The following PRR36 variants were observed in gnomAD, a reference collection of about 807,000 sequenced individuals.
The protein encoded by PRR36 is proline-rich protein 36.
In PRR36, 30 loss-of-function variants were observed where a neutral mutation model predicts 58.6. The ratio of observed to expected loss-of-function variants is 0.51; its 90% CI spans 0.38 to 0.69. The LOEUF is 0.69. Among genes scored for constraint, PRR36 ranks in the 30% least tolerant of loss-of-function variants. The pLI is 0.00. For synonymous variants in PRR36, 771 were observed against 829.3 expected (o/e 0.93, Z 1.21); for missense variants, 1,692 against 1,805.6 (o/e 0.94, Z 1.14).
rs370616890 is a variant in PRR36 at position 7,869,021 on chromosome 19, C to A, written c.*12G>T. The A allele has an allele frequency of 5.1e-5, 76 of 1,500,452 alleles. No individual in the cohort carries two copies. In the East Asian group the frequency reaches 1.4e-3, roughly 27 times the overall value. 92.9% of individuals were successfully genotyped at this position (1,500,452 alleles called of 1,614,324 possible). ...CAGGGGTGGGGTGTAGCAGGCGGGG[C>A]TGTGGTCTGGCTCAGTGGAAGGTCT... On this transcript the variant is annotated 3_prime_UTR_variant, in exon 6 of 6. Coordinates refer to ENST00000618550, the MANE Select transcript of PRR36 (RefSeq NM_001190467.2).
rs1165620692 is a variant in PRR36 at position 7,870,882 on chromosome 19, G to A, written c.2362C>T (p.Pro788Ser). ...PHLETPPCPAPCPLQAPPSPL... is the reference protein window; with the variant it reads ...PHLETPPCPASCPLQAPPSPL... ...GAAGGTGGTGCTTGCAGAGGGCATG[G>A]GGCTGGACAAGGTGGAGTCTCCAGA... The change falls in exon 5 of 6, where the codon CCA (proline) becomes TCA (serine). Residue 788 changes from proline (P) to serine (S), a missense_variant. Pro to Ser is a moderately conservative substitution (Grantham distance 74). Transcript: ENST00000618550. 9.7e-6 allele frequency: 14 copies of A among 1,449,380 alleles called. No individual in the cohort carries two copies. The highest frequency in any genetic ancestry group is 1.3e-5 in the Non-Finnish European group (14 of 1,107,922). 89.8% of individuals were successfully genotyped at this position (1,449,380 alleles called of 1,614,324 possible). A position where few individuals can be genotyped will look rare whatever the true frequency, so the allele number is the denominator to read the frequency against.
In PRR36 at chr19:7,869,009, T is replaced by TA; in HGVS notation, c.*23dup. The TA allele has an allele frequency of 6.7e-7, 1 of 1,485,786 alleles. No individual in the cohort carries two copies. Among genetic ancestry groups the TA allele is most frequent in the Non-Finnish European group, 8.9e-7 (1 of 1,119,816 alleles). 92.0% of individuals were successfully genotyped at this position (1,485,786 alleles called of 1,614,324 possible). On this transcript the variant is annotated 3_prime_UTR_variant, in exon 6 of 6. Transcript: ENST00000618550. ...CGGATCCTAAGGCAGGGGTGGGGTG[T>TA]AGCAGGCGGGGCTGTGGTCTGGCTC...
At position 7,871,257 on chromosome 19, in the gene PRR36, G is replaced by C; in HGVS notation, c.1987C>G (p.Pro663Ala). ...GAAGTCTGCAGAGGGGGTGAGGCAG[G>C]AAGGGAAAGAGGGGCCTGCAGAGGG... ...SPPLQAPLSL[P>A]ASPPLQTSLS... Residue 663 changes from proline to alanine, a missense_variant, in exon 5 of 6, where the codon CCT (proline) becomes GCT (alanine). Coordinates refer to ENST00000618550, the MANE Select transcript of PRR36 (RefSeq NM_001190467.2). 1 of 1,532,128 alleles carries C rather than the reference G, an allele frequency of 6.5e-7. No individual in the cohort carries two copies. The highest frequency in any genetic ancestry group is 8.7e-7 in the Non-Finnish European group (1 of 1,145,466). 94.9% of individuals were successfully genotyped at this position (1,532,128 alleles called of 1,614,324 possible).
At position 7,873,611 on chromosome 19, in the gene PRR36, G is replaced by T; in HGVS notation, c.79C>A (p.Pro27Thr). ...GGTCGAGGAGAGCCTGGGGGCCTGG[G>T]GGTCAGAAGTCCAGGAGCGCGAGCA... Reference protein sequence around the residue: ...PAARAPGLLTPRPPGSPRPPP... With the variant: ...PAARAPGLLTTRPPGSPRPPP... The change falls in exon 2 of 6, where the codon CCC (proline) becomes ACC (threonine). Residue 27 changes from proline (P) to threonine (T), a missense_variant. Around this residue, in one of 5 missense-constraint regions of PRR36, gnomAD observed 975 missense variants for 955.2 expected, o/e 1.02. Coordinates refer to ENST00000618550, the MANE Select transcript of PRR36 (RefSeq NM_001190467.2). The surrounding 1 kb of genome is among the most constrained non-coding windows in gnomAD (Gnocchi z 5.0). 6.5e-7 allele frequency: 1 copy of T among 1,535,052 alleles called. No individual in the cohort carries two copies. Among genetic ancestry groups the T allele is most frequent in the Non-Finnish European group, 8.7e-7 (1 of 1,146,670 alleles).
chr19:7,870,188 AGAG>A lies in PRR36; in HGVS notation c.3053_3055del (p.Pro1018del), dbSNP rs1980323775. The A allele has an allele frequency of 9.8e-6, 14 of 1,421,418 alleles. No individual in the cohort carries two copies. The highest frequency in any genetic ancestry group is 1.3e-5 in the Non-Finnish European group (14 of 1,094,300). 88.1% of individuals were successfully genotyped at this position (1,421,418 alleles called of 1,614,324 possible). A position where few individuals can be genotyped will look rare whatever the true frequency, so the allele number is the denominator to read the frequency against. Reference sequence around the variant, plus strand: ...GGCAGGCGGAGAGGGAAGGGCCTGCAGAGGAGGTGTGGCCAGAGCAGGTGGGGC... The same window carrying A: ...GGCAGGCGGAGAGGGAAGGGCCTGCAGAGGTGTGGCCAGAGCAGGTGGGGC... On this transcript the variant is annotated inframe_deletion, in exon 5 of 6. Coordinates refer to ENST00000618550, the MANE Select transcript of PRR36 (RefSeq NM_001190467.2).
Position 7,869,363 on chromosome 19 carries a change from C to A in PRR36, c.3711G>T (p.Arg1237=). The change falls in exon 6 of 6, where the codon CGG becomes CGT. Residue 1237 remains arginine (R), a synonymous_variant. Transcript: ENST00000618550. ...AAGAGAGASS[R]SPKQARLGEL... is the part of the protein sequence containing the mutation. ...CGCCCAGGCGCGCCTGCTTCGGGCT[C>A]CGCGAGGACGCCCCGGCCCCGGCCC... The A allele has an allele frequency of 7.0e-7, 1 of 1,435,696 alleles. No homozygotes were observed. The highest frequency in any genetic ancestry group is 9.1e-7 in the Non-Finnish European group (1 of 1,104,796). The allele number at this position is 1,435,696 out of a possible 1,614,324, so 88.9% of individuals were successfully genotyped here.
chr19:7,869,452 G>T lies in PRR36; in HGVS notation c.3622C>A (p.Pro1208Thr). 6.7e-7 allele frequency: 1 copy of T among 1,503,492 alleles called. No individual in the cohort carries two copies. Among genetic ancestry groups the T allele is most frequent in the Non-Finnish European group, 8.8e-7 (1 of 1,133,186 alleles). The allele number at this position is 1,503,492 out of a possible 1,614,324, so 93.1% of individuals were successfully genotyped here. A position where few individuals can be genotyped will look rare whatever the true frequency, so the allele number is the denominator to read the frequency against. Residue 1208 changes from proline (P) to threonine (T), a missense_variant, in exon 6 of 6, where the codon CCC (proline) becomes ACC (threonine). Physicochemically the swap from Pro to Thr is conservative, Grantham distance 38. Around this residue, in one of 5 missense-constraint regions of PRR36, gnomAD observed 485 missense variants for 549.2 expected, o/e 0.88. Coordinates refer to ENST00000618550, the MANE Select transcript of PRR36 (RefSeq NM_001190467.2). The part of the protein sequence containing the change: ...YETEGPESAT[P>T]APGALDPGPS... ...CCCGGATCCAGTGCGCCAGGGGCGGGGGTCGCCGACTCGGGCCCTTCAGTC... is the reference window on the plus strand; with the variant it reads ...CCCGGATCCAGTGCGCCAGGGGCGGTGGTCGCCGACTCGGGCCCTTCAGTC...
Position 7,871,821 on chromosome 19 carries a change from C to G in PRR36, c.1423G>C (p.Gly475Arg). ...QGPVSPATSL[G>R]NSAFPLAALP... is the part of the protein sequence containing the mutation. Reference sequence around the variant, plus strand: ...GCGGCCAGGGGAAAAGCCGAATTCCCCAGAGATGTTGCCGGAGAAACAGGG... The same window carrying G: ...GCGGCCAGGGGAAAAGCCGAATTCCGCAGAGATGTTGCCGGAGAAACAGGG... The change falls in exon 5 of 6, where the codon GGG becomes CGG. Residue 475 changes from glycine (G) to arginine (R), a missense_variant. Gly to Arg is a moderately radical substitution (Grantham distance 125, BLOSUM62 -2). Transcript: ENST00000618550. 1 of 1,535,498 alleles carries G rather than the reference C, an allele frequency of 6.5e-7. No individual in the cohort carries two copies. Among genetic ancestry groups the G allele is most frequent in the Non-Finnish European group, 8.7e-7 (1 of 1,146,774 alleles).
At position 7,871,964 on chromosome 19, in the gene PRR36, A is replaced by G. The variant is rs1484772162; in HGVS notation, c.1280T>C (p.Val427Ala). Reference protein sequence around the residue: ...AAFVASVSPSVSSPLQSMPPT... With the variant: ...AAFVASVSPSASSPLQSMPPT... ...GGGCATACTCTGCAGAGGGGATGAA[A>G]CTGATGGAGAGACTGAAGCCACAAA... Residue 427 changes from valine (V) to alanine (A), a missense_variant, in exon 5 of 6, where the codon GTT becomes GCT. Physicochemically the swap from Val to Ala is moderately conservative, Grantham distance 64. This residue lies in a region of PRR36 where 975 missense variants were observed against 955.2 expected (regional missense o/e 1.02). Coordinates refer to ENST00000618550, the MANE Select transcript of PRR36 (RefSeq NM_001190467.2). The G allele has an allele frequency of 6.5e-7, 1 of 1,535,588 alleles. No homozygotes were observed. The highest frequency in any genetic ancestry group is 8.7e-7 in the Non-Finnish European group (1 of 1,146,818).
At position 7,871,211 on chromosome 19, in the gene PRR36, G is replaced by T; in HGVS notation, c.2033C>A (p.Pro678His). ...GTGTATGGTCAGGGGTGAGCTTAGG[G>T]GTGAGACAGCAGGAGAGAGAGAAGT... ...LQTSLSPAVS[P>H]LSSPLTIHPL... The change falls in exon 5 of 6, where the codon CCC becomes CAC. Residue 678 changes from proline (P) to histidine (H), a missense_variant. This residue lies in a region of PRR36 where 975 missense variants were observed against 955.2 expected (regional missense o/e 1.02). Transcript: ENST00000618550. The T allele has an allele frequency of 6.5e-7, 1 of 1,534,830 alleles. No homozygotes were observed. The highest frequency in any genetic ancestry group is 1.2e-5 in the South Asian group (1 of 83,986).
At position 7,872,061 on chromosome 19, in the gene PRR36, AG is replaced by A. The variant is rs1267178456; in HGVS notation, c.1182del (p.Ser395ArgfsTer8). 5 of 1,521,756 alleles carry A rather than the reference AG, an allele frequency of 3.3e-6. No individual in the cohort carries two copies. Among genetic ancestry groups the A allele is most frequent in the Non-Finnish European group, 4.4e-6 (5 of 1,142,300 alleles). 94.3% of individuals were successfully genotyped at this position (1,521,756 alleles called of 1,614,324 possible). A position where few individuals can be genotyped will look rare whatever the true frequency, so the allele number is the denominator to read the frequency against. On this transcript the variant is annotated frameshift_variant, in exon 5 of 6. Transcript: ENST00000618550. LOFTEE classifies it high-confidence loss of function. The surrounding 1 kb of genome is among the most constrained non-coding windows in gnomAD (Gnocchi z 6.1). ...QTLPSPPATP[P>X]SQVPPTQLIM... ...ATCAGCTGTGTGGGTGGAACTTGCG[AG>A]GGGGGCGTGGCTGGTGGAGAGGGGA...
rs894467181 is a variant in PRR36, at chr19:7,869,698, T to A, written c.3529+17A>T. On this transcript the variant is annotated intron_variant, in intron 5 of 5. Coordinates refer to ENST00000618550, the MANE Select transcript of PRR36 (RefSeq NM_001190467.2). ...CGACCCCGCCCACAGCCAGGCCGGG[T>A]CTGGGGTGCCCCTTACCTGGGGCTC... 4 of 1,362,498 alleles carry A rather than the reference T, an allele frequency of 2.9e-6. No individual in the cohort carries two copies. The highest frequency in any genetic ancestry group is 3.8e-6 in the Non-Finnish European group (4 of 1,062,160). 84.4% of individuals were successfully genotyped at this position (1,362,498 alleles called of 1,614,324 possible). A position where few individuals can be genotyped will look rare whatever the true frequency, so the allele number is the denominator to read the frequency against.
chr19:7,871,868 G>A lies in PRR36; in HGVS notation c.1376C>T (p.Ser459Leu). 2 of 1,535,976 alleles carry A rather than the reference G, an allele frequency of 1.3e-6. No homozygotes were observed. Among genetic ancestry groups the A allele is most frequent in the South Asian group, 1.2e-5 (1 of 84,052 alleles). The change falls in exon 5 of 6, where the codon TCA becomes TTA. Residue 459 changes from serine (S) to leucine (L), a missense_variant. By Grantham distance (145) the Ser-to-Leu change is moderately radical. This residue lies in a region of PRR36 where 975 missense variants were observed against 955.2 expected (regional missense o/e 1.02). Transcript: ENST00000618550. ...LLSPLATPPL[S>L]AMSPLQGPVS... ...AGGGCCTTGTAGAGGAGACATGGCT[G>A]ACAGAGGAGGTGTGGCCAAGGGAGA...
Position 7,869,255 on chromosome 19 carries a change from G to A in PRR36, c.3819C>T (p.Ala1273=). The change falls in exon 6 of 6, where the codon GCC becomes GCT. Residue 1273 remains alanine, a synonymous_variant. Coordinates refer to ENST00000618550, the MANE Select transcript of PRR36 (RefSeq NM_001190467.2). Reference sequence around the variant, plus strand: ...CTGGGCCCCCGCCGCTGCCGCCCGCGGCACCCTCGGCAGCCGCCAGCAGCA... The same window carrying A: ...CTGGGCCCCCGCCGCTGCCGCCCGCAGCACCCTCGGCAGCCGCCAGCAGCA... ...RTLLLAAAEG[A]AGGSGGGPGG... The A allele has an allele frequency of 6.8e-7, 1 of 1,472,716 alleles. No individual in the cohort carries two copies. The highest frequency in any genetic ancestry group is 8.9e-7 in the Non-Finnish European group (1 of 1,122,294). 91.2% of individuals were successfully genotyped at this position (1,472,716 alleles called of 1,614,324 possible). A position where few individuals can be genotyped will look rare whatever the true frequency, so the allele number is the denominator to read the frequency against.
Position 7,868,955 on chromosome 19 carries a change from G to T in PRR36, c.*78C>A. 1 of 1,422,014 alleles carries T rather than the reference G, an allele frequency of 7.0e-7. No homozygotes were observed. Among genetic ancestry groups the T allele is most frequent in the East Asian group, 2.7e-5 (1 of 36,990 alleles). The allele number at this position is 1,422,014 out of a possible 1,614,324, so 88.1% of individuals were successfully genotyped here. ...GGGGCTCCAGGGCAGTGGAGGCGGG[G>T]TCTAAAACAAACGGCGTACCCGGAG... On this transcript the variant is annotated 3_prime_UTR_variant, in exon 6 of 6. Transcript: ENST00000618550.
chr19:7,872,646 G>T lies in PRR36; in HGVS notation c.598C>A (p.Pro200Thr), dbSNP rs982166786. The T allele has an allele frequency of 1.0e-5, 15 of 1,477,734 alleles. No homozygotes were observed. The highest frequency in any genetic ancestry group is 9.3e-5 in the South Asian group (7 of 75,486). The allele number at this position is 1,477,734 out of a possible 1,614,324, so 91.5% of individuals were successfully genotyped here. Reference sequence around the variant, plus strand: ...GATTTCCGGGGGCCCTCTGTCGGGGGCCGTGGCCGGGCACTCGGAGCTGGC... The same window carrying T: ...GATTTCCGGGGGCCCTCTGTCGGGGTCCGTGGCCGGGCACTCGGAGCTGGC... ...PRPAPSARPR[P>T]PTEGPRKSVS... The change falls in exon 5 of 6, where the codon CCC (proline) becomes ACC (threonine). Residue 200 changes from proline (P) to threonine (T), a missense_variant. Coordinates refer to ENST00000618550, the MANE Select transcript of PRR36 (RefSeq NM_001190467.2). The surrounding 1 kb of genome is among the most constrained non-coding windows in gnomAD (Gnocchi z 6.1).
In PRR36 at chr19:7,868,905, G is replaced by C; in HGVS notation, c.*128C>G. 1 of 1,131,068 alleles carries C rather than the reference G, an allele frequency of 8.8e-7. No homozygotes were observed. The highest frequency in any genetic ancestry group is 1.2e-6 in the Non-Finnish European group (1 of 834,430). The allele number at this position is 1,131,068 out of a possible 1,614,324, so 70.1% of individuals were successfully genotyped here. Reference sequence around the variant, plus strand: ...TCCGAGGCCAAAGGCTCAGGCTCTAGGGAGCTAAGACTAATCCACCCAGCG... The same window carrying C: ...TCCGAGGCCAAAGGCTCAGGCTCTACGGAGCTAAGACTAATCCACCCAGCG... On this transcript the variant is annotated 3_prime_UTR_variant, in exon 6 of 6. Transcript: ENST00000618550.
Position 7,872,351 on chromosome 19 carries a change from G to T in PRR36, c.893C>A (p.Pro298Gln), listed in dbSNP as rs1057123268. The change falls in exon 5 of 6, where the codon CCG becomes CAG. Residue 298 changes from proline (P) to glutamine (Q), a missense_variant. This residue lies in a region of PRR36 where 975 missense variants were observed against 955.2 expected (regional missense o/e 1.02). Coordinates refer to ENST00000618550, the MANE Select transcript of PRR36 (RefSeq NM_001190467.2). The surrounding 1 kb of genome is among the most constrained non-coding windows in gnomAD (Gnocchi z 6.1). ...TGTGGCCAAAGGAGAGGAAGAAAGC[G>T]GTCCTAGTGCTGGGGCTGCGTCCTT... The part of the protein sequence containing the change: ...PRKDAAPALG[P>Q]LSSSPLATPS... The T allele has an allele frequency of 4.1e-6, 6 of 1,451,668 alleles. No homozygotes were observed. Among genetic ancestry groups the T allele is most frequent in the Non-Finnish European group, 5.4e-6 (6 of 1,108,138 alleles). The allele number at this position is 1,451,668 out of a possible 1,614,324, so 89.9% of individuals were successfully genotyped here.
At position 7,869,762 on chromosome 19, in the gene PRR36, G is replaced by A. The variant is rs1322844417; in HGVS notation, c.3482C>T (p.Ala1161Val). ...DAELAACHPA[A>V]WSRGPAPPLA... is the part of the protein sequence containing the mutation. ...CGGCGGAGCGGGGCCTCGACTCCAG[G>A]CAGCCGGGTGGCAAGCGGCGAGCTC... The change falls in exon 5 of 6, where the codon GCC becomes GTC. Residue 1161 changes from alanine to valine, a missense_variant. Physicochemically the swap from Ala to Val is moderately conservative, Grantham distance 64. Transcript: ENST00000618550. 3 of 1,360,090 alleles carry A rather than the reference G, an allele frequency of 2.2e-6. No homozygotes were observed. The highest frequency in any genetic ancestry group is 1.5e-5 in the African/African-American group (1 of 64,984). The allele number at this position is 1,360,090 out of a possible 1,614,324, so 84.3% of individuals were successfully genotyped here.
Sources: allele counts gnomAD v4.1 joint callset, GRCh38; gene constraint gnomAD v4.1.1; regional missense constraint gnomAD v4.1.1; non-coding constraint Gnocchi (gnomAD v3.1); transcripts MANE v1.5; gene names NCBI Gene and HGNC (gene_info 2026-07-23, HGNC 2026-07-21).